Variants in SARS1 observed in about 807,000 individuals in gnomAD.
SARS1 encodes the protein serine--tRNA ligase, cytoplasmic.
In SARS1, 25 loss-of-function variants were observed where a neutral mutation model predicts 63.7. The observed-to-expected ratio is 0.39, with a 90% CI of 0.29 to 0.55. The LOEUF (loss-of-function observed/expected upper bound fraction) is 0.55. Ranked by LOEUF, SARS1 falls within the 20% of genes least tolerant of loss-of-function variation. The pLI is 0.62. For synonymous variants in SARS1, 231 were observed against 243.5 expected (o/e 0.95, Z 0.48); for missense variants, 417 against 649.7 (o/e 0.64, Z 3.89).
rs549722301 is a variant in SARS1, at chr1:109,231,528, G to A, written c.592-103G>A. ...TTTCTTGGCCTCCTGCTTGCCCCTC[G>A]GTAGTCCTGTTCTCTTGGCCCAGGT... is the stretch of plus-strand genomic sequence containing the variant. On this transcript the variant is annotated intron_variant, in intron 5 of 10. Coordinates refer to ENST00000234677, the MANE Select transcript of SARS1 (RefSeq NM_006513.4). The A allele has an allele frequency of 5.4e-5, 54 of 999,400 alleles. No individual in the cohort carries two copies. The East Asian group carries it at 1.0e-3, about 18-fold the overall frequency. The allele number at this position is 999,400 out of a possible 1,614,324, so 61.9% of individuals were successfully genotyped here.
At position 109,214,484 on chromosome 1, in the gene SARS1, G is replaced by A. The variant is rs1654740555; in HGVS notation, c.136+356G>A. 3 of 1,003,748 alleles carry A rather than the reference G, an allele frequency of 3.0e-6. No individual in the cohort carries two copies. The highest frequency in any genetic ancestry group is 3.6e-6 in the Non-Finnish European group (3 of 826,428). 62.2% of individuals were successfully genotyped at this position (1,003,748 alleles called of 1,614,324 possible). ...CGCGGCTTTCCTAACACGAATCTTT[G>A]GTCCCCCCCAGTCTTTTTCTCATCT... On this transcript the variant is annotated intron_variant, in intron 1 of 10. Transcript: ENST00000234677. This position sits in a 1 kb window ranked among gnomAD's most constrained non-coding sequence, Gnocchi z 4.6.
At chr1:109,232,758 C>A (rs151293865) in intron 6 of SARS1, among the ~76,000 whole-genome samples, 1 of 152,132 alleles carries the variant, frequency 6.6e-6, no homozygotes. Context: ...TTTACCTTTT[C>A]TTTCTTTTTC....
chr1:109,219,879 G>T (rs1654891406), intron 1 of SARS1, among the ~76,000 whole-genome samples: 1 of 152,082 alleles, frequency 6.6e-6, no homozygotes, highest in Non-Finnish European at 1.5e-5. Flanking sequence ...GCAGTAGTTG[G>T]TTCTTTTCAT....
At position 109,236,123 on chromosome 1, in the gene SARS1, C is replaced by T; in HGVS notation, c.1099+17C>T. On this transcript the variant is annotated intron_variant, in intron 8 of 10. Transcript: ENST00000234677. The stretch of plus-strand genomic sequence containing the variant: ...TTGTCTCAGGTATGGGACCCAGCCT[C>T]TTCTCAGCCTCCCTTTCCTGTAATC... 6.2e-7 allele frequency: 1 copy of T among 1,604,820 alleles called. No individual in the cohort carries two copies. Among genetic ancestry groups the T allele is most frequent in the East Asian group, 2.2e-5 (1 of 44,862 alleles).
intron 6 of SARS1, among the ~76,000 whole-genome samples, chr1:109,233,796 A>G (rs1036303928): frequency 6.6e-6 from 1 of 150,778 alleles, no homozygotes; most frequent in Non-Finnish European, 1.5e-5. Context: ...TCCTGGGTTC[A>G]AGTGATTCTC....
At chr1:109,218,429 C>T (rs1051557942) in intron 1 of SARS1, among the ~76,000 whole-genome samples, 6 of 122,126 alleles carry the variant, frequency 4.9e-5, no homozygotes, top group Non-Finnish European at 1.0e-4. Flanking sequence ...TTTTTTGGTA[C>T]AAGTCCTCAA....
intron 1 of SARS1, among the ~76,000 whole-genome samples, chr1:109,220,307 AGT>A (rs1224442192): frequency 6.6e-6 from 1 of 152,222 alleles, no homozygotes; most frequent in Non-Finnish European, 1.5e-5. Flanking sequence ...AGTTTTCCAA[AGT>A]GGTTGTAATG....
At chr1:109,225,128 A>G (rs944168508) in intron 2 of SARS1, among the ~76,000 whole-genome samples, 3 of 152,146 alleles carry the variant, frequency 2.0e-5, no homozygotes, top group African/African-American at 7.2e-5. Context: ...AAATTAATTA[A>G]TTAAATGCAC....
At chr1:109,224,215 C>T (rs1436187028) in intron 2 of SARS1, among the ~76,000 whole-genome samples, 167 bp downstream of exon 2, 4 of 152,216 alleles carry the variant, frequency 2.6e-5, no homozygotes. Flanking sequence ...AGGCAGGGAA[C>T]TTGGAGGCAT....
intron 2 of SARS1, among the ~76,000 whole-genome samples, chr1:109,225,904 G>A (rs1219877173): frequency 6.6e-6 from 1 of 152,126 alleles, no homozygotes; most frequent in Non-Finnish European, 1.5e-5. Flanking sequence ...TGATGCCATT[G>A]CAAAAATCTT....
At chr1:109,234,018 C>T (rs1203545799) in intron 6 of SARS1, among the ~76,000 whole-genome samples, 13 of 151,872 alleles carry the variant, frequency 8.6e-5, no homozygotes, top group Admixed American at 6.6e-4. Flanking sequence ...TACAGGCATC[C>T]ACCACCATGC....
chr1:109,219,804 C>T (rs571570523), intron 1 of SARS1, among the ~76,000 whole-genome samples: 9 of 152,274 alleles, frequency 5.9e-5, no homozygotes, highest in East Asian at 3.9e-4. Context: ...TGAGCCACCG[C>T]GCCCGGCATG....
chr1:109,222,028 T>G (rs1451437204), intron 1 of SARS1, among the ~76,000 whole-genome samples: 1 of 108,582 alleles, frequency 9.2e-6, no homozygotes, highest in Non-Finnish European at 1.8e-5. Context: ...TTTTTTTTTT[T>G]TTTTTTTTTT....
intron 3 of SARS1, 90 bp downstream of exon 3, chr1:109,228,522 C>T: frequency 1.2e-6 from 1 of 840,006 alleles, no homozygotes; most frequent in East Asian, 2.5e-5. Context: ...CTGCTCCACA[C>T]AGCATTGTGA....
chr1:109,215,401 T>C (rs1654760495), intron 1 of SARS1: 2 of 985,356 alleles, frequency 2.0e-6, no homozygotes, highest in East Asian at 1.1e-4. Context: ...TTGGGTATAA[T>C]GTCCACATCT....
chr1:109,227,450 C>T (rs924309959), intron 2 of SARS1, among the ~76,000 whole-genome samples: 3 of 152,208 alleles, frequency 2.0e-5, no homozygotes, highest in Non-Finnish European at 4.4e-5. Flanking sequence ...GGTTACACCC[C>T]TGCCATTTTG....
intron 1 of SARS1, among the ~76,000 whole-genome samples, chr1:109,221,701 T>C (rs2101187467): frequency 6.6e-6 from 1 of 152,228 alleles, no homozygotes; most frequent in East Asian, 1.9e-4. Context: ...ACTCATATAC[T>C]GAAAACTACA....
At chr1:109,225,269 T>G (rs1223095049) in intron 2 of SARS1, among the ~76,000 whole-genome samples, 2 of 152,212 alleles carry the variant, frequency 1.3e-5, no homozygotes, top group East Asian at 3.8e-4. Flanking sequence ...ACCTTACACT[T>G]AACTTCATGG....
chr1:109,234,287 G>T (rs1655265860), intron 6 of SARS1, among the ~76,000 whole-genome samples: 1 of 151,868 alleles, frequency 6.6e-6, no homozygotes, highest in Non-Finnish European at 1.5e-5. Context: ...GCCTCCCAAA[G>T]TGCTGGGATT....
Sources: gnomAD v4.1 joint callset for allele counts (sites outside exome capture counted in the v4.1 genomes callset) on GRCh38, gnomAD v4.1.1 for gene constraint, Gnocchi (gnomAD v3.1) non-coding constraint, MANE v1.5 for transcripts, NCBI Gene and HGNC (gene_info 2026-07-23, HGNC 2026-07-21) for gene names.